Variants in DNAJC7 observed in about 807,000 individuals in gnomAD.
The protein encoded by DNAJC7 is dnaJ homolog subfamily C member 7.
Under a neutral mutation model 67.4 loss-of-function variants are expected in DNAJC7, and 18 were observed. That is an observed-to-expected ratio of 0.27 (90% CI 0.18 to 0.40). DNAJC7 has a LOEUF of 0.40. Ranked by LOEUF, DNAJC7 falls within the 10% of genes least tolerant of loss-of-function variation. The pLI, the probability that DNAJC7 is intolerant of heterozygous loss-of-function variation, is 1.00. For synonymous variants in DNAJC7, 220 were observed against 207.8 expected, an observed-to-expected ratio of 1.06 and a Z score of -0.50; for missense variants, 419 against 613.8, an observed-to-expected ratio of 0.68 and a Z score of 3.35.
At chr17:41,983,973 T>G (rs1555646402) in intron 9 of DNAJC7, among the ~76,000 whole-genome samples, 1 of 152,242 alleles carries the variant, frequency 6.6e-6, no homozygotes, top group Non-Finnish European at 1.5e-5. Flanking sequence ...TCTACTTGAT[T>G]ACTTTGGGTT....
chr17:41,990,164 G>A (rs2051477127), intron 6 of DNAJC7, 100 bp downstream of exon 6: 1 of 1,165,808 alleles, frequency 8.6e-7, no homozygotes, highest in Non-Finnish European at 1.2e-6. Flanking sequence ...ATCAGCCCTA[G>A]CTGGCCTACT....
rs556441514 is a variant in DNAJC7 at position 42,016,901 on chromosome 17, G to A, written c.77+439C>T. 9 of 1,058,790 alleles carry A rather than the reference G, an allele frequency of 8.5e-6. No individual in the cohort carries two copies. The South Asian group carries it at 1.6e-4, about 18-fold the overall frequency. The allele number at this position is 1,058,790 out of a possible 1,614,324, so 65.6% of individuals were successfully genotyped here. The stretch of plus-strand genomic sequence containing the variant: ...AGTGATCGCTGGGGTATAATTACAA[G>A]GGAAAACGGGGTGAGGAGAGCAAAG... On this transcript the variant is annotated intron_variant, in intron 1 of 13. Coordinates refer to ENST00000457167, the MANE Select transcript of DNAJC7 (RefSeq NM_003315.4).
intron 12 of DNAJC7, 136 bp from the exon 13 acceptor site, chr17:41,977,459 C>A: frequency 1.3e-6 from 1 of 770,970 alleles, no homozygotes; most frequent in Non-Finnish European, 2.1e-6. Context: ...CCCAACACTT[C>A]AGACTGCAAG....
At chr17:41,982,785 C>T (rs1199982014) in intron 10 of DNAJC7, among the ~76,000 whole-genome samples, 1 of 151,938 alleles carries the variant, frequency 6.6e-6, no homozygotes, top group African/African-American at 2.4e-5. Flanking sequence ...ATGGTGAAAC[C>T]CCATCCCTAC....
At chr17:41,995,315 G>C (rs1233817675) in intron 4 of DNAJC7, among the ~76,000 whole-genome samples, 1 of 152,168 alleles carries the variant, frequency 6.6e-6, no homozygotes, top group Non-Finnish European at 1.5e-5. Context: ...TTCACCCTCA[G>C]TTTGAACTTC....
chr17:42,007,287 C>T (rs539187576), intron 1 of DNAJC7, among the ~76,000 whole-genome samples: 1 of 152,048 alleles, frequency 6.6e-6, no homozygotes, highest in East Asian at 1.9e-4. Flanking sequence ...TACTAGTTGC[C>T]TGTTGATCTA....
At chr17:41,993,728 G>C (rs570764308) in intron 5 of DNAJC7, among the ~76,000 whole-genome samples, 1 of 152,114 alleles carries the variant, frequency 6.6e-6, no homozygotes, top group Non-Finnish European at 1.5e-5. Flanking sequence ...TAATAACTGC[G>C]AGGTCTAGAA....
In DNAJC7 at chr17:41,976,499, C is replaced by T. The variant is rs1309536376; in HGVS notation, c.*234G>A. On this transcript the variant is annotated 3_prime_UTR_variant, in exon 14 of 14. Coordinates refer to ENST00000457167, the MANE Select transcript of DNAJC7 (RefSeq NM_003315.4). ...TTTTTAATAAAGTTAAACAGTAAAA[C>T]AAAAATTCACAAGCTGCCTCCCTGT... is the stretch of plus-strand genomic sequence containing the variant. 8.2e-6 allele frequency: 4 copies of T among 486,946 alleles called. No homozygotes were observed. The highest frequency in any genetic ancestry group is 1.4e-5 in the Non-Finnish European group (4 of 280,516). 30.2% of individuals were successfully genotyped at this position (486,946 alleles called of 1,614,324 possible).
At chr17:41,982,931 G>A (rs1204714438) in intron 10 of DNAJC7, among the ~76,000 whole-genome samples, 1 of 151,030 alleles carries the variant, frequency 6.6e-6, no homozygotes, top group Non-Finnish European at 1.5e-5. Context: ...TTGCACTCCA[G>A]CCTGGGTGAC....
intron 9 of DNAJC7, 64 bp downstream of exon 9, chr17:41,987,755 A>G (rs2143165128): frequency 1.4e-6 from 2 of 1,418,580 alleles, no homozygotes; most frequent in Non-Finnish European, 9.7e-7. Flanking sequence ...TTCGTCATCC[A>G]CAAGGCAATT....
chr17:42,016,895 T>G, intron 1 of DNAJC7: 1 of 1,041,274 alleles, frequency 9.6e-7, no homozygotes, highest in South Asian at 2.2e-5. Context: ...TGGGGTATAA[T>G]TACAAGGGAA....
chr17:41,994,419 T>C (rs2143219218), intron 5 of DNAJC7, among the ~76,000 whole-genome samples: 1 of 147,914 alleles, frequency 6.8e-6, no homozygotes, highest in East Asian at 2.0e-4. Context: ...GCGCCTGTAA[T>C]CCCAGGGTGG....
intron 5 of DNAJC7, chr17:41,992,691 C>T (rs868909385): frequency 6.6e-6 from 1 of 152,210 alleles, no homozygotes; most frequent in Admixed American, 6.5e-5. Context: ...TTCCCACCCC[C>T]CAACCTCCCC....
At chr17:41,990,421 G>A (rs2051485063) in intron 5 of DNAJC7, 39 bp from the exon 6 acceptor site, 2 of 1,522,390 alleles carry the variant, frequency 1.3e-6, no homozygotes, top group South Asian at 2.4e-5. Context: ...TCTTCATCAG[G>A]GACTCCAGAA....
At chr17:41,998,945 G>C (rs1022583595) in intron 2 of DNAJC7, among the ~76,000 whole-genome samples, 8 of 152,048 alleles carry the variant, frequency 5.3e-5, no homozygotes, top group Admixed American at 5.2e-4. Flanking sequence ...TAGCACTTTG[G>C]GAGGCCAAGG....
In DNAJC7 at chr17:41,987,959, G is replaced by C. The variant is rs781951983; in HGVS notation, c.919-49C>G. 11 of 1,511,530 alleles carry C rather than the reference G, an allele frequency of 7.3e-6. No individual in the cohort carries two copies. In the African/African-American group the frequency reaches 1.4e-4, roughly 19 times the overall value. The allele number at this position is 1,511,530 out of a possible 1,614,324, so 93.6% of individuals were successfully genotyped here. A position where few individuals can be genotyped will look rare whatever the true frequency, so the allele number is the denominator to read the frequency against. On this transcript the variant is annotated intron_variant, in intron 8 of 13. Transcript: ENST00000457167. ...TACTTCACACCTTTGGTGACTGAGG[G>C]AGCCCAGAAGCTGTGAGCATGGCTT...
intron 1 of DNAJC7, among the ~76,000 whole-genome samples, chr17:42,010,496 A>G (rs2052088592): frequency 6.6e-6 from 1 of 151,690 alleles, no homozygotes; most frequent in Non-Finnish European, 1.5e-5. Flanking sequence ...CTGTCTCAAA[A>G]ATATATATAT....
chr17:41,976,461 CT>C lies in DNAJC7; in HGVS notation c.*271del, dbSNP rs71705091. The C allele has an allele frequency of 1.7e-4, 58 of 335,782 alleles. No homozygotes were observed. The highest frequency in any genetic ancestry group is 5.3e-4 in the Admixed American group (10 of 19,026). 20.8% of individuals were successfully genotyped at this position (335,782 alleles called of 1,614,324 possible). A position where few individuals can be genotyped will look rare whatever the true frequency, so the allele number is the denominator to read the frequency against. ...AGGAAGGGTCAAAACATTTTATTCT[CT>C]TTTTTTTTTCTTTTTTAATAAAGTT... On this transcript the variant is annotated 3_prime_UTR_variant, in exon 14 of 14. Coordinates refer to ENST00000457167, the MANE Select transcript of DNAJC7 (RefSeq NM_003315.4).
At chr17:42,003,745 A>T (rs563154240) in intron 1 of DNAJC7, among the ~76,000 whole-genome samples, 6 of 145,970 alleles carry the variant, frequency 4.1e-5, no homozygotes, top group South Asian at 2.2e-4. Flanking sequence ...TAGACCAATT[A>T]AAAAAAAAAA....
Sources: gnomAD v4.1 joint callset for allele counts (sites outside exome capture counted in the v4.1 genomes callset) on GRCh38, gnomAD v4.1.1 for gene constraint, MANE v1.5 for transcripts, NCBI Gene and HGNC (gene_info 2026-07-23, HGNC 2026-07-21) for gene names.